WDPCP: variants seen among roughly 807,000 people sequenced by gnomAD.
The protein encoded by WDPCP is WD repeat containing planar cell polarity effector.
WDPCP carries 71 observed loss-of-function variants against 93.1 expected under a neutral mutation model. That is an observed-to-expected ratio of 0.76 (90% confidence interval 0.63 to 0.93). The LOEUF (loss-of-function observed/expected upper bound fraction) is 0.93, where lower values mean the gene tolerates loss of function less well. WDPCP is among the 40% of genes least tolerant of loss of function. The pLI, the probability that WDPCP is intolerant of heterozygous loss-of-function variation, is 0.00. For synonymous variants in WDPCP, 315 were observed against 315.0 expected (o/e 1.00, Z 0.00); for missense variants, 844 against 887.4 (o/e 0.95, Z 0.62).
At chr2:63,433,103 T>G (rs80346493) in intron 9 of WDPCP, among the ~76,000 whole-genome samples, 3 of 152,110 alleles carry the variant, frequency 2.0e-5, no homozygotes, top group Non-Finnish European at 4.4e-5. Flanking sequence ...AAAATACACA[T>G]AGGTTCACAT....
chr2:63,533,551 G>C (rs912924497), intron 1 of WDPCP, among the ~76,000 whole-genome samples: 1 of 152,158 alleles, frequency 6.6e-6, no homozygotes, highest in Non-Finnish European at 1.5e-5. Flanking sequence ...TCAGGATTAA[G>C]AGACTCGCTC....
intron 2 of WDPCP, among the ~76,000 whole-genome samples, chr2:63,688,079 C>G (rs1575747880): frequency 6.6e-6 from 1 of 152,076 alleles, no homozygotes; most frequent in African/African-American, 2.4e-5. Flanking sequence ...GTGAAATAAG[C>G]CAGGCAAAGA....
rs576491394 is a variant in WDPCP at position 63,729,395 on chromosome 2, G to A, written n.309-78557C>T. ...TTGTTCTGTGGAAAGGAGTTTTGGAGTAAAAATAAATGAATAACAGAATAG... is the reference window on the plus strand; with the variant it reads ...TTGTTCTGTGGAAAGGAGTTTTGGAATAAAAATAAATGAATAACAGAATAG... On this transcript the variant is annotated intron_variant and non_coding_transcript_variant, in intron 2 of 4. Transcript: ENST00000467687. 5.3e-5 allele frequency among the ~76,000 whole-genome samples: 8 copies of A among 152,256 alleles called. No homozygotes were observed. The South Asian group carries it at 8.3e-4, about 16-fold the overall frequency.
At chr2:63,516,217 T>C (rs1200634473) in intron 1 of WDPCP, among the ~76,000 whole-genome samples, 1 of 152,100 alleles carries the variant, frequency 6.6e-6, no homozygotes, top group Non-Finnish European at 1.5e-5. Context: ...TTGGGGTACA[T>C]GTGATATTGC....
intron 2 of WDPCP, among the ~76,000 whole-genome samples, chr2:63,740,668 C>A (rs1314748674): frequency 1.3e-5 from 2 of 152,240 alleles, no homozygotes; most frequent in East Asian, 3.9e-4. Flanking sequence ...ACCAACATTA[C>A]TTTGCATTTG....
At chr2:63,249,474 C>G (rs1344838191) in intron 14 of WDPCP, among the ~76,000 whole-genome samples, 1 of 131,204 alleles carries the variant, frequency 7.6e-6, no homozygotes, top group African/African-American at 2.5e-5. Flanking sequence ...TAGATAATCC[C>G]TAATAAAGAT....
In WDPCP at chr2:63,567,596, GC is replaced by G. The variant is rs1707170426; in HGVS notation, c.75+20600del. Among the ~76,000 whole-genome samples the G allele has an allele frequency of 2.0e-5, 3 of 152,216 alleles. No homozygotes were observed. In the South Asian group the frequency reaches 6.2e-4, roughly 32 times the overall value. On this transcript the variant is annotated intron_variant, in intron 1 of 17. Transcript: ENST00000272321. The stretch of plus-strand genomic sequence containing the variant: ...TAAGAAGCACTTTTCCCCCTACTTA[GC>G]TACAGTTACAGTTTAAATATCAGTT...
chr2:63,497,786 T>G (rs939694893), intron 1 of WDPCP, among the ~76,000 whole-genome samples: 5 of 152,246 alleles, frequency 3.3e-5, no homozygotes, highest in Admixed American at 6.5e-5. Flanking sequence ...TAGTCAAGAC[T>G]GAGCTTGTAT....
chr2:63,178,588 TTC>T (rs904397417), intron 14 of WDPCP, among the ~76,000 whole-genome samples: 12 of 152,262 alleles, frequency 7.9e-5, no homozygotes, highest in African/African-American at 2.9e-4. Context: ...TATTTGAGTC[TTC>T]TCTCTTTTTT....
At chr2:63,126,750 C>T (rs1388837589) in intron 17 of WDPCP, among the ~76,000 whole-genome samples, 1 of 148,310 alleles carries the variant, frequency 6.7e-6, no homozygotes, top group East Asian at 2.0e-4. Context: ...TAGCTCACAG[C>T]AAAAGTACAG....
intron 2 of WDPCP, among the ~76,000 whole-genome samples, chr2:63,674,760 G>A (rs889153133): frequency 1.3e-5 from 2 of 151,456 alleles, no homozygotes; most frequent in African/African-American, 4.8e-5. Flanking sequence ...TATATAATAT[G>A]TGTGTTATAA....
chr2:63,448,614 T>C (rs1331793514), intron 6 of WDPCP, among the ~76,000 whole-genome samples: 1 of 152,116 alleles, frequency 6.6e-6, no homozygotes, highest in African/African-American at 2.4e-5. Context: ...AACCCCAAAA[T>C]CTTTGAGAAT....
intron 2 of WDPCP, among the ~76,000 whole-genome samples, chr2:63,695,507 A>T (rs890901125): frequency 3.3e-5 from 5 of 152,124 alleles, no homozygotes; most frequent in African/African-American, 4.8e-5. Context: ...TTCATTGTTT[A>T]CCTGAAATTC....
chr2:63,170,077 A>G (rs1673274570), intron 15 of WDPCP, among the ~76,000 whole-genome samples: 1 of 149,430 alleles, frequency 6.7e-6, no homozygotes, highest in African/African-American at 2.5e-5. Flanking sequence ...TTTTTTCAGT[A>G]GAGATGAGGT....
chr2:63,588,715 G>C (rs1032900334), upstream of WDPCP: 7 of 487,102 alleles, frequency 1.4e-5, no homozygotes, highest in Non-Finnish European at 2.2e-5. Context: ...CTTTCCTCCT[G>C]AGCCCAAACC....
intron 3 of WDPCP, among the ~76,000 whole-genome samples, chr2:63,607,499 G>GCACTC (rs1353815033): frequency 1.3e-5 from 2 of 151,746 alleles, no homozygotes; most frequent in Non-Finnish European, 2.9e-5. Context: ...TTGCGCCACT[G>GCACTC]CACTCCAGCC....
chr2:63,746,179 C>T (rs958969970), intron 2 of WDPCP, among the ~76,000 whole-genome samples: 3 of 152,156 alleles, frequency 2.0e-5, no homozygotes, highest in Admixed American at 1.3e-4. Context: ...ATTTCTTACA[C>T]CTGTCTTTAC....
intron 12 of WDPCP, among the ~76,000 whole-genome samples, chr2:63,323,361 G>A (rs1687271141): frequency 6.6e-6 from 1 of 152,114 alleles, no homozygotes; most frequent in African/African-American, 2.4e-5. Context: ...ACCTTCTGTA[G>A]GCACCCAGGC....
chr2:63,588,326 G>A lies in WDPCP; in HGVS notation c.-55C>T. The A allele has an allele frequency of 1.3e-6, 2 of 1,547,012 alleles. No homozygotes were observed. Among genetic ancestry groups the A allele is most frequent in the Non-Finnish European group, 8.8e-7 (1 of 1,141,874 alleles). On this transcript the variant is annotated 5_prime_UTR_variant, in exon 1 of 18. Transcript: ENST00000272321. ...CTAGGCTAGGTCCTCGGACCCGAGA[G>A]GGAGCGACACGCTCGCTTGGTCTCT... is the stretch of plus-strand genomic sequence containing the variant.
Sources: allele counts gnomAD v4.1 joint callset (sites outside exome capture counted in the v4.1 genomes callset), GRCh38; gene constraint gnomAD v4.1.1; transcripts MANE v1.5; gene names NCBI Gene and HGNC (gene_info 2026-07-23, HGNC 2026-07-21).